Variants in KATNAL2 observed in about 807,000 individuals in gnomAD.
The protein encoded by KATNAL2 is katanin p60 ATPase-containing subunit A-like 2.
A neutral mutation model predicts 76.3 loss-of-function variants in KATNAL2; 52 were observed. The ratio of observed to expected loss-of-function variants is 0.68; its 90% CI spans 0.55 to 0.86. The LOEUF is 0.86. KATNAL2 is among the 40% of genes least tolerant of loss of function. The pLI is 0.00. For synonymous variants in KATNAL2, 243 were observed against 244.2 expected (o/e 1.00, Z 0.05); for missense variants, 660 against 668.9 (o/e 0.99, Z 0.15).
chr18:47,050,175 C>A (rs1299029928), intron 4 of KATNAL2, among the ~76,000 whole-genome samples: 1 of 152,130 alleles, frequency 6.6e-6, no homozygotes, highest in Non-Finnish European at 1.5e-5. Context: ...CCATGCCTGG[C>A]CTAAGGAACT....
intron 11 of KATNAL2, 34 bp downstream of exon 11, chr18:47,067,153 G>C: frequency 9.0e-7 from 1 of 1,116,664 alleles, no homozygotes; most frequent in South Asian, 1.5e-5. Context: ...GGTTATTTCT[G>C]TTCACTATCC....
intron 11 of KATNAL2, 62 bp from the exon 12 acceptor site, chr18:47,069,158 G>C: frequency 2.6e-6 from 3 of 1,174,684 alleles, no homozygotes; most frequent in Non-Finnish European, 3.8e-6. Flanking sequence ...GCTTGTCTGT[G>C]CTGAGAGTAT....
At chr18:46,949,425 G>A (rs747085532) in intron 3 of KATNAL2, among the ~76,000 whole-genome samples, 1 of 152,030 alleles carries the variant, frequency 6.6e-6, no homozygotes, top group South Asian at 2.1e-4. Context: ...GTTAAATTTT[G>A]TATTTTTTGT....
intron 1 of KATNAL2, among the ~76,000 whole-genome samples, chr18:46,932,181 G>T (rs1201192232): frequency 2.6e-5 from 4 of 152,078 alleles, no homozygotes; most frequent in Admixed American, 1.3e-4. Flanking sequence ...AAAGTGCTGG[G>T]ATTACAGGCG....
rs889592538 is a variant in KATNAL2, at chr18:46,939,348, A to AAAAAG, written c.-509-6696_-509-6692dup. On this transcript the variant is annotated intron_variant, in intron 1 of 17. Coordinates refer to ENST00000683218, the MANE Select transcript of KATNAL2 (RefSeq NM_001387690.1). ...ACTGCATCTCACAATTAAAAAAAAA[A>AAAAAG]AAAAGAAAAGAAAAGAATGATTTAT... Among the ~76,000 whole-genome samples, 3 of 152,036 alleles carry AAAAAG rather than the reference A, an allele frequency of 2.0e-5. No homozygotes were observed. In the East Asian group the frequency reaches 5.8e-4, roughly 29 times the overall value.
chr18:46,925,446 T>C (rs2146511141), intron 1 of KATNAL2, among the ~76,000 whole-genome samples: 1 of 152,314 alleles, frequency 6.6e-6, no homozygotes, highest in Non-Finnish European at 1.5e-5. Flanking sequence ...TTGATCATGG[T>C]GGATAAGCTT....
chr18:46,959,735 G>A (rs1393635511), intron 3 of KATNAL2, among the ~76,000 whole-genome samples: 5 of 152,132 alleles, frequency 3.3e-5, no homozygotes, highest in East Asian at 1.9e-4. Flanking sequence ...CACCATGCCC[G>A]GCTAATTTTT....
chr18:47,080,455 T>C (rs901679398), intron 15 of KATNAL2, among the ~76,000 whole-genome samples: 3 of 152,204 alleles, frequency 2.0e-5, no homozygotes, highest in Admixed American at 2.0e-4. Context: ...CCTGTACTCA[T>C]TAGCAACCAT....
At chr18:47,077,620 G>A (rs1466968070) in intron 15 of KATNAL2, 159 bp downstream of exon 15, 1 of 596,296 alleles carries the variant, frequency 1.7e-6, no homozygotes, top group African/African-American at 1.8e-5. Flanking sequence ...AATCCTTGCT[G>A]TCTGTACCAC....
intron 3 of KATNAL2, among the ~76,000 whole-genome samples, chr18:47,042,148 A>G: frequency 6.6e-6 from 1 of 152,116 alleles, no homozygotes; most frequent in East Asian, 1.9e-4. Context: ...TCTCATTCTG[A>G]ATCACTACTT....
chr18:46,928,563 T>C (rs1469873924), intron 1 of KATNAL2, among the ~76,000 whole-genome samples: 1 of 152,146 alleles, frequency 6.6e-6, no homozygotes, highest in African/African-American at 2.4e-5. Flanking sequence ...TGTGCCTGAT[T>C]TCAGATCTGA....
intron 3 of KATNAL2, among the ~76,000 whole-genome samples, chr18:47,031,847 C>T (rs2060473823): frequency 6.6e-6 from 1 of 152,144 alleles, no homozygotes; most frequent in Non-Finnish European, 1.5e-5. Flanking sequence ...TTCTTGTCTT[C>T]CTGAAATGCA....
intron 3 of KATNAL2, among the ~76,000 whole-genome samples, chr18:46,951,269 A>G (rs558680547): frequency 6.4e-4 from 98 of 152,316 alleles, no homozygotes; most frequent in African/African-American, 2.2e-3. Flanking sequence ...CTTTTGGGAC[A>G]AGACTCAATC....
At chr18:46,932,439 C>T (rs939755041) in intron 1 of KATNAL2, among the ~76,000 whole-genome samples, 3 of 151,792 alleles carry the variant, frequency 2.0e-5, no homozygotes, top group African/African-American at 7.3e-5. Flanking sequence ...CTTTAGGAGA[C>T]CAAGGCGAGT....
At chr18:47,092,498 G>A (rs560500625) in intron 15 of KATNAL2, among the ~76,000 whole-genome samples, 2 of 151,450 alleles carry the variant, frequency 1.3e-5, no homozygotes, top group Admixed American at 6.6e-5. Context: ...GTGAGACTCC[G>A]TCTCAAAAAA....
At chr18:46,957,214 G>A (rs529809537) in intron 3 of KATNAL2, among the ~76,000 whole-genome samples, 1 of 147,936 alleles carries the variant, frequency 6.8e-6, no homozygotes, top group South Asian at 2.2e-4. Flanking sequence ...ACTAACGTTT[G>A]AATCAGTAGA....
At chr18:46,942,153 G>C (rs2059264281) in intron 1 of KATNAL2, among the ~76,000 whole-genome samples, 1 of 152,032 alleles carries the variant, frequency 6.6e-6, no homozygotes, top group South Asian at 2.1e-4. Context: ...TGAAGATACT[G>C]ACATATTCTT....
intron 4 of KATNAL2, 84 bp downstream of exon 4, chr18:47,046,611 A>G (rs1811741458): frequency 2.0e-6 from 2 of 985,978 alleles, no homozygotes; most frequent in Non-Finnish European, 1.5e-6. Flanking sequence ...TAAATACAAT[A>G]GACTTTCTTG....
At chr18:46,959,583 T>A (rs1231422788) in intron 3 of KATNAL2, among the ~76,000 whole-genome samples, 1 of 152,088 alleles carries the variant, frequency 6.6e-6, no homozygotes, top group Non-Finnish European at 1.5e-5. Flanking sequence ...TTTAATTTAA[T>A]TTTTTTTGGA....
Sources: gnomAD v4.1 joint callset for allele counts (sites outside exome capture counted in the v4.1 genomes callset) on GRCh38, gnomAD v4.1.1 for gene constraint, MANE v1.5 for transcripts, NCBI Gene and HGNC (gene_info 2026-07-23, HGNC 2026-07-21) for gene names.